COPA: variants seen among roughly 807,000 people sequenced by gnomAD.
COPA encodes the protein coat protein complex I subunit alpha.
In COPA, 10 loss-of-function variants were observed where a neutral mutation model predicts 158.7. The ratio of observed to expected loss-of-function variants is 0.06; its 90% CI spans 0.04 to 0.11. COPA has a LOEUF of 0.11. Ranked by LOEUF, COPA falls within the 10% of genes least tolerant of loss-of-function variation. COPA has a pLI of 1.00. For synonymous variants in COPA, 462 were observed against 542.8 expected, an observed-to-expected ratio of 0.85 and a Z score of 2.07; for missense variants, 1,065 against 1,536.7, an observed-to-expected ratio of 0.69 and a Z score of 5.13.
In COPA at chr1:160,297,305, T is replaced by C. The variant is rs1264785993; in HGVS notation, c.2263+38A>G. On this transcript the variant is annotated intron_variant, in intron 21 of 32. Transcript: ENST00000241704. Reference sequence around the variant, plus strand: ...TCAACAAAAACAGAAAAATACTTCCTCAGACCCTGAAAAAGCTGGCAAGTC... The same window carrying C: ...TCAACAAAAACAGAAAAATACTTCCCCAGACCCTGAAAAAGCTGGCAAGTC... The C allele has an allele frequency of 2.5e-6, 4 of 1,572,814 alleles. No homozygotes were observed. The African/African-American group carries it at 5.4e-5, about 21-fold the overall frequency.
intron 3 of COPA, 57 bp from the exon 4 acceptor site, chr1:160,335,379 C>T (rs895701252): frequency 2.9e-6 from 4 of 1,395,076 alleles, no homozygotes; most frequent in African/African-American, 1.5e-5. Context: ...CTAAAAGGCT[C>T]AGAGAAATTG....
chr1:160,307,779 C>T (rs1000476484), intron 13 of COPA, among the ~76,000 whole-genome samples: 1 of 152,230 alleles, frequency 6.6e-6, no homozygotes, highest in Non-Finnish European at 1.5e-5. Flanking sequence ...CCATTCTTAT[C>T]ACCCTGAAGA....
At chr1:160,317,034 T>C (rs981167038) in intron 8 of COPA, among the ~76,000 whole-genome samples, 7 of 152,062 alleles carry the variant, frequency 4.6e-5, no homozygotes, top group Admixed American at 2.0e-4. Context: ...TGTCTGGCAA[T>C]AGATGTTTCA....
intron 6 of COPA, 24 bp from the exon 7 acceptor site, chr1:160,325,676 TG>T: frequency 6.5e-7 from 1 of 1,540,444 alleles, no homozygotes; most frequent in Non-Finnish European, 9.0e-7. Context: ...AGGAGTGGGA[TG>T]AAAGATGTAA....
chr1:160,292,537 G>A lies in COPA; in HGVS notation c.2907C>T (p.Thr969=). 1.2e-6 allele frequency: 2 copies of A among 1,614,066 alleles called. No homozygotes were observed. The highest frequency in any genetic ancestry group is 1.7e-6 in the Non-Finnish European group (2 of 1,179,978). ...AGGGTAGGCAGGGCAGAGCCTGATA[G>A]GTTGTGCGGCCTCGGGCGTATGTCT... ...FLQTYARGRT[T]YQALPCLPSM... Residue 969 remains threonine (T), a synonymous_variant, in exon 28 of 33, where the codon ACC becomes ACT. Transcript: ENST00000241704.
rs1647575840 is a variant in COPA at position 160,332,542 on chromosome 1, G to T, written c.402C>A (p.His134Gln). The T allele has an allele frequency of 6.2e-7, 1 of 1,608,602 alleles. No individual in the cohort carries two copies. Among genetic ancestry groups the T allele is most frequent in the African/African-American group, 1.3e-5 (1 of 74,604 alleles). ...SRTCVCVLTG[H>Q]NHYVMCAQFH... ...ACTGAGCACACATCACATAATGGTT[G>T]TGCCCTGTTAACACACTGCAAGAAA... is the stretch of plus-strand genomic sequence containing the variant. The change falls in exon 6 of 33, where the codon CAC (histidine) becomes CAA (glutamine). Residue 134 changes from histidine to glutamine, a missense_variant. Around this residue, in one of 2 missense-constraint regions of COPA, gnomAD observed 85 missense variants for 178.9 expected, o/e 0.48. Transcript: ENST00000241704.
chr1:160,332,343 A>G (rs978707529), intron 6 of COPA, 105 bp downstream of exon 6: 5 of 623,394 alleles, frequency 8.0e-6, no homozygotes, highest in Non-Finnish European at 1.3e-5. Flanking sequence ...ATAAAACAGA[A>G]TATTCTAAAT....
chr1:160,298,833 T>C lies in COPA; in HGVS notation c.1977+12A>G, dbSNP rs377517481. ...TAAGACAATATGGGGCTGATGACCA[T>C]ATTCCTCTCACCTCAATGTTTCCAC... is the stretch of plus-strand genomic sequence containing the variant. On this transcript the variant is annotated intron_variant, in intron 19 of 32. Transcript: ENST00000241704. 9.9e-5 allele frequency: 159 copies of C among 1,613,978 alleles called. No homozygotes were observed. Among genetic ancestry groups the C allele is most frequent in the Non-Finnish European group, 1.2e-4 (138 of 1,180,000 alleles).
Position 160,313,171 on chromosome 1 carries a change from G to A in COPA, c.843-4C>T. ...GCGGAAAGTCTGAACCCCAGTCCTAGAAAAGGTACACAAAAAGAAAAACAT... is the reference window on the plus strand; with the variant it reads ...GCGGAAAGTCTGAACCCCAGTCCTAAAAAAGGTACACAAAAAGAAAAACAT... On this transcript the variant is annotated splice_region_variant and splice_polypyrimidine_tract_variant and intron_variant, in intron 9 of 32. Transcript: ENST00000241704. The A allele has an allele frequency of 3.7e-6, 6 of 1,613,462 alleles. No individual in the cohort carries two copies. The highest frequency in any genetic ancestry group is 5.1e-6 in the Non-Finnish European group (6 of 1,179,508).
chr1:160,298,719 A>G, intron 19 of COPA, 126 bp downstream of exon 19: 1 of 1,242,566 alleles, frequency 8.0e-7, no homozygotes, highest in South Asian at 1.5e-5. Flanking sequence ...CAATGTAACA[A>G]CTAAAAAAAA....
intron 10 of COPA, 33 bp downstream of exon 10, chr1:160,313,052 A>C: frequency 6.3e-7 from 1 of 1,583,806 alleles, no homozygotes; most frequent in African/African-American, 1.3e-5. Flanking sequence ...ACTTTGAATT[A>C]AGCAAAGAAA....
At chr1:160,309,420 C>G (rs1658891294) in intron 12 of COPA, among the ~76,000 whole-genome samples, 1 of 151,976 alleles carries the variant, frequency 6.6e-6, no homozygotes, top group South Asian at 2.1e-4. Flanking sequence ...CAGATATTAT[C>G]TGAATGAAAG....
intron 8 of COPA, among the ~76,000 whole-genome samples, chr1:160,318,508 A>G (rs996222619): frequency 1.6e-4 from 22 of 137,984 alleles, no homozygotes; most frequent in African/African-American, 6.2e-4. Flanking sequence ...AAAAAAAAAA[A>G]CACTAATGTG....
At chr1:160,341,331 T>G (rs556396863) in intron 1 of COPA, among the ~76,000 whole-genome samples, 1 of 152,252 alleles carries the variant, frequency 6.6e-6, no homozygotes, top group Non-Finnish European at 1.5e-5. Flanking sequence ...CTATATAATA[T>G]GGATCTCATG....
At chr1:160,305,604 G>T (rs771398042) in intron 16 of COPA, 33 bp from the exon 17 acceptor site, 5 of 1,614,184 alleles carry the variant, frequency 3.1e-6, no homozygotes, top group Non-Finnish European at 4.2e-6. Context: ...GTGTTCTGTT[G>T]GATAGGGTAA....
At chr1:160,321,454 A>T (rs185394726) in intron 8 of COPA, among the ~76,000 whole-genome samples, 1 of 152,238 alleles carries the variant, frequency 6.6e-6, no homozygotes, top group Non-Finnish European at 1.5e-5. Flanking sequence ...CCAAAATGAT[A>T]AATTCAGTCC....
At chr1:160,294,727 G>T (rs1658343588) in intron 24 of COPA, 41 bp downstream of exon 24, 1 of 1,606,744 alleles carries the variant, frequency 6.2e-7, no homozygotes. Flanking sequence ...CCAATCCAAG[G>T]TGTCCATCAC....
chr1:160,311,836 G>A, intron 11 of COPA, 32 bp downstream of exon 11: 4 of 1,591,342 alleles, frequency 2.5e-6, no homozygotes, highest in South Asian at 1.1e-5. Context: ...ACAGATGAGA[G>A]GGTTTGGAGG....
rs1383673960 is a variant in COPA, at chr1:160,311,919, C to A, written c.1025G>T (p.Arg342Leu). ...MLHYVKDRFL[R>L]QLDFNSSKDV... ...TTTGGAGCTGTTGAAATCCAGCTGTCGTAAGAATCGGTCCTTGACATAGTG... is the reference window on the plus strand; with the variant it reads ...TTTGGAGCTGTTGAAATCCAGCTGTAGTAAGAATCGGTCCTTGACATAGTG... Residue 342 changes from arginine to leucine, a missense_variant, in exon 11 of 33, where the codon CGA becomes CTA. Arg to Leu is a moderately radical substitution (Grantham distance 102). This residue lies in a region of COPA where 980 missense variants were observed against 1,357.8 expected (regional missense o/e 0.72). Transcript: ENST00000241704. 10 of 1,613,986 alleles carry A rather than the reference C, an allele frequency of 6.2e-6. No individual in the cohort carries two copies. The highest frequency in any genetic ancestry group is 8.5e-6 in the Non-Finnish European group (10 of 1,179,948).
Sources: allele counts gnomAD v4.1 joint callset (sites outside exome capture counted in the v4.1 genomes callset), GRCh38; gene constraint gnomAD v4.1.1; regional missense constraint gnomAD v4.1.1; transcripts MANE v1.5; gene names NCBI Gene and HGNC (gene_info 2026-07-23, HGNC 2026-07-21).